Variants in LIG1 observed in about 807,000 individuals in gnomAD.
The protein encoded by LIG1 is ligase I, DNA, ATP-dependent.
In LIG1, 70 loss-of-function variants were observed where a neutral mutation model predicts 115.7. That is an observed-to-expected ratio of 0.60 (90% CI 0.50 to 0.74). The LOEUF is 0.74. Among genes scored for constraint, LIG1 ranks in the 30% least tolerant of loss-of-function variants. The pLI, the probability that LIG1 is intolerant of heterozygous loss-of-function variation, is 0.00. For missense variants in LIG1, 1,115 were observed against 1,225.6 expected (o/e 0.91, Z 1.35); for synonymous variants, 487 against 495.3 (o/e 0.98, Z 0.22).
chr19:48,132,654 G>A (rs981413077), intron 18 of LIG1, among the ~76,000 whole-genome samples: 4 of 151,782 alleles, frequency 2.6e-5, no homozygotes, highest in Non-Finnish European at 5.9e-5. Context: ...AGCCGGGCAC[G>A]GTAGCGGGCG....
intron 7 of LIG1, 95 bp from the exon 8 acceptor site, chr19:48,150,305 G>T: frequency 6.4e-7 from 1 of 1,566,484 alleles, no homozygotes; most frequent in Non-Finnish European, 8.7e-7. Context: ...TGACCCTGCA[G>T]ATGGAAGATA....
intron 9 of LIG1, among the ~76,000 whole-genome samples, chr19:48,146,849 A>T (rs2035149230): frequency 6.6e-6 from 1 of 152,206 alleles, no homozygotes; most frequent in Admixed American, 6.5e-5. Context: ...GGAATCAAAA[A>T]CATTCCTTAG....
chr19:48,157,185 G>T, intron 4 of LIG1, 45 bp from the exon 5 acceptor site: 1 of 1,574,018 alleles, frequency 6.4e-7, no homozygotes, highest in South Asian at 1.1e-5. Context: ...GGGAAGGAGG[G>T]ACTCCATTTT....
At chr19:48,150,787 T>A (rs1227062513) in intron 7 of LIG1, among the ~76,000 whole-genome samples, 1 of 152,184 alleles carries the variant, frequency 6.6e-6, no homozygotes, top group Non-Finnish European at 1.5e-5. Context: ...AACCTCCACC[T>A]CCTGGGCTCA....
chr19:48,165,718 A>AC (rs755988074), intron 1 of LIG1, 95 bp from the exon 2 acceptor site: 4 of 961,106 alleles, frequency 4.2e-6, no homozygotes, highest in Non-Finnish European at 6.5e-6. Context: ...AGAAAAAAAA[A>AC]AACAGAAACA....
intron 7 of LIG1, among the ~76,000 whole-genome samples, chr19:48,150,870 G>T (rs1163038650): frequency 4.6e-5 from 7 of 151,440 alleles, no homozygotes; most frequent in Non-Finnish European, 1.0e-4. Flanking sequence ...GGTCATTTTT[G>T]TATTTTTTTT....
intron 17 of LIG1, chr19:48,133,642 C>G: frequency 5.5e-6 from 2 of 364,510 alleles, no homozygotes; most frequent in South Asian, 4.9e-5. Flanking sequence ...TGTCGCCCAG[C>G]TGGAGTGCAG....
At chr19:48,117,552 T>C in intron 26 of LIG1, 86 bp downstream of exon 26, 1 of 1,397,020 alleles carries the variant, frequency 7.2e-7, no homozygotes, top group Non-Finnish European at 1.0e-6. Flanking sequence ...AGAGCAGATG[T>C]GAGCCAAGGT....
rs866230825 is a variant in LIG1, at chr19:48,154,480, G to A, written c.371-513C>T. 38 of 208,532 alleles carry A rather than the reference G, an allele frequency of 1.8e-4. No homozygotes were observed. In the Middle Eastern group the frequency reaches 0.012, roughly 67 times the overall value. 12.9% of individuals were successfully genotyped at this position (208,532 alleles called of 1,614,324 possible). A position where few individuals can be genotyped will look rare whatever the true frequency, so the allele number is the denominator to read the frequency against. ...TGGAGCATTTACACCGTTCCCCAGAGAATCCCACAAAACTAAGCTCCAGCT... is the reference window on the plus strand; with the variant it reads ...TGGAGCATTTACACCGTTCCCCAGAAAATCCCACAAAACTAAGCTCCAGCT... On this transcript the variant is annotated intron_variant, in intron 5 of 27. Transcript: ENST00000263274.
intron 11 of LIG1, among the ~76,000 whole-genome samples, chr19:48,142,925 A>G (rs2034867742): frequency 6.6e-6 from 1 of 152,194 alleles, no homozygotes; most frequent in Non-Finnish European, 1.5e-5. Context: ...TTAAGGCATG[A>G]GCCACTGCAC....
chr19:48,136,173 A>T, intron 14 of LIG1, 48 bp from the exon 15 acceptor site: 2 of 1,383,182 alleles, frequency 1.4e-6, no homozygotes, highest in South Asian at 1.2e-5. Flanking sequence ...CACCTCCCCA[A>T]TCTTGCCTCC....
In LIG1 at chr19:48,133,981, C is replaced by G; in HGVS notation, c.1609G>C (p.Gly537Arg). ...TGGTGAGCGCCCCTGGGGCCTGTAC[C>G]TGGGCTCAGCTTGCAGTGCTCCGGG... is the stretch of plus-strand genomic sequence containing the variant. The part of the protein sequence containing the change: ...RLPEHCKLSP[G>R]IPLKPMLAHP... Residue 537 changes from glycine (G) to arginine (R), a missense_variant and splice_region_variant, in exon 17 of 28, where the codon GGG (glycine) becomes CGG (arginine). By Grantham distance (125) the Gly-to-Arg change is moderately radical. Coordinates refer to ENST00000263274, the MANE Select transcript of LIG1 (RefSeq NM_000234.3). The G allele has an allele frequency of 6.4e-7, 1 of 1,553,240 alleles. No individual in the cohort carries two copies. The highest frequency in any genetic ancestry group is 8.7e-7 in the Non-Finnish European group (1 of 1,147,826).
rs1407006231 is a variant in LIG1, at chr19:48,153,771, CA to C, written c.466+100del. ...ACACACACACACACACACACACACA[CA>C]CCTCTCCTTCTGGGGGCTCACCTTC... On this transcript the variant is annotated intron_variant, in intron 6 of 27. Coordinates refer to ENST00000263274, the MANE Select transcript of LIG1 (RefSeq NM_000234.3). 228 of 474,458 alleles carry C rather than the reference CA, an allele frequency of 4.8e-4. 13 individuals are homozygous for C. Among genetic ancestry groups the C allele is most frequent in the South Asian group, 2.3e-3 (115 of 50,752 alleles). The allele number at this position is 474,458 out of a possible 1,614,324, so 29.4% of individuals were successfully genotyped here. A position where few individuals can be genotyped will look rare whatever the true frequency, so the allele number is the denominator to read the frequency against.
chr19:48,121,133 C>A, intron 24 of LIG1, 37 bp downstream of exon 24: 1 of 1,613,956 alleles, frequency 6.2e-7, no homozygotes. Context: ...AATCTCCTTC[C>A]CTCCTGCTTC....
intron 12 of LIG1, among the ~76,000 whole-genome samples, chr19:48,138,580 T>C (rs1029094591): frequency 2.6e-5 from 4 of 152,046 alleles, no homozygotes. Context: ...TTCTCCAAAG[T>C]GGCCAACAAC....
Position 48,137,711 on chromosome 19 carries a change from G to C in LIG1, c.1088-23C>G. ...GACCTTCAGGGGAGAGCGCGGGTGGGGGTGTCGAGGGTGACAGTTGTGGCT... is the reference window on the plus strand; with the variant it reads ...GACCTTCAGGGGAGAGCGCGGGTGGCGGTGTCGAGGGTGACAGTTGTGGCT... On this transcript the variant is annotated intron_variant, in intron 12 of 27. Coordinates refer to ENST00000263274, the MANE Select transcript of LIG1 (RefSeq NM_000234.3). This position sits in a 1 kb window ranked among gnomAD's most constrained non-coding sequence, Gnocchi z 4.3. 3.8e-6 allele frequency: 6 copies of C among 1,599,750 alleles called. No homozygotes were observed. Among genetic ancestry groups the C allele is most frequent in the Non-Finnish European group, 5.1e-6 (6 of 1,179,502 alleles).
chr19:48,156,021 T>C (rs3730876), intron 5 of LIG1, among the ~76,000 whole-genome samples: 2,960 of 152,240 alleles, frequency 0.019, 151 homozygotes, highest in East Asian at 0.19. Flanking sequence ...TGCCCCGCAT[T>C]ACGAATGGGT....
chr19:48,157,133 G>A lies in LIG1; in HGVS notation c.251C>T (p.Ala84Val). 6.2e-7 allele frequency: 1 copy of A among 1,610,520 alleles called. No homozygotes were observed. Residue 84 changes from alanine (A) to valine (V), a missense_variant, in exon 5 of 28, where the codon GCC becomes GTC. By Grantham distance (64) the Ala-to-Val change is moderately conservative. Transcript: ENST00000263274. ...ALSPAKGQKP[A>V]LDCSQVSPPR... is the part of the protein sequence containing the mutation. ...CGGGGAGACCTGTGAGCAGTCCAGG[G>A]CAGGCTTCTGGAAGAGGAAAGAACA...
At chr19:48,157,807 G>A (rs1462239757) in intron 4 of LIG1, among the ~76,000 whole-genome samples, 1 of 152,162 alleles carries the variant, frequency 6.6e-6, no homozygotes, top group Non-Finnish European at 1.5e-5. Context: ...TTGGCCTCCA[G>A]AGCACTGAGA....
Sources: gnomAD v4.1 joint callset for allele counts (sites outside exome capture counted in the v4.1 genomes callset) on GRCh38, gnomAD v4.1.1 for gene constraint, Gnocchi (gnomAD v3.1) non-coding constraint, MANE v1.5 for transcripts, NCBI Gene and HGNC (gene_info 2026-07-23, HGNC 2026-07-21) for gene names.